The following SPAG9 variants were observed in gnomAD, a reference collection of about 807,000 sequenced individuals.
SPAG9 encodes the protein C-Jun-amino-terminal kinase-interacting protein 4.
In SPAG9, 35 loss-of-function variants were observed where a neutral mutation model predicts 166.5. That is an observed-to-expected ratio of 0.21 (90% confidence interval 0.16 to 0.28). The LOEUF (loss-of-function observed/expected upper bound fraction) is 0.28. SPAG9 is among the 10% of genes least tolerant of loss of function. The probability of loss-of-function intolerance (pLI) is 1.00; values close to 1 mark genes in which losing one functional copy is unlikely to be tolerated. For missense variants in SPAG9, 1,235 were observed against 1,603.3 expected (o/e 0.77, Z 3.92); for synonymous variants, 534 against 565.5 (o/e 0.94, Z 0.79).
Position 51,079,719 on chromosome 17 carries a change from C to T in SPAG9, c.304-15G>A, listed in dbSNP as rs1458476450. Reference sequence around the variant, plus strand: ...TCAATGAATTTCTAATAAAGAAGAACAATATAAATTTAATCAGAGAAATTA... The same window carrying T: ...TCAATGAATTTCTAATAAAGAAGAATAATATAAATTTAATCAGAGAAATTA... On this transcript the variant is annotated splice_polypyrimidine_tract_variant and intron_variant, in intron 1 of 29. Coordinates refer to ENST00000262013, the MANE Select transcript of SPAG9 (RefSeq NM_001130528.3). 6.8e-7 allele frequency: 1 copy of T among 1,478,922 alleles called. No individual in the cohort carries two copies. The highest frequency in any genetic ancestry group is 1.2e-5 in the South Asian group (1 of 83,058). The allele number at this position is 1,478,922 out of a possible 1,614,324, so 91.6% of individuals were successfully genotyped here.
At chr17:51,064,464 T>C (rs1438204646) in intron 2 of SPAG9, among the ~76,000 whole-genome samples, 1 of 152,164 alleles carries the variant, frequency 6.6e-6, no homozygotes, top group Non-Finnish European at 1.5e-5. Context: ...GCAGGATATA[T>C]AGGCAATTGA....
intron 1 of SPAG9, among the ~76,000 whole-genome samples, chr17:51,105,697 G>A (rs542022347): frequency 4.0e-5 from 6 of 151,710 alleles, no homozygotes; most frequent in Non-Finnish European, 8.8e-5. Flanking sequence ...GTGAAACCTC[G>A]TCTCTACTAA....
At chr17:50,975,872 C>G (rs1342825201) in intron 27 of SPAG9, 1 of 1,535,770 alleles carries the variant, frequency 6.5e-7, no homozygotes, top group East Asian at 2.4e-5. Flanking sequence ...CCCCTCAGCC[C>G]CAGTAAACGT....
At position 51,036,154 on chromosome 17, in the gene SPAG9, A is replaced by G. The variant is rs183323117; in HGVS notation, c.742-4432T>C. Among the ~76,000 whole-genome samples, 764 of 152,238 alleles carry G rather than the reference A, an allele frequency of 5.0e-3. 7 individuals are homozygous for G. The highest frequency in any genetic ancestry group is 7.1e-3 in the Non-Finnish European group (484 of 68,014). On this transcript the variant is annotated intron_variant, in intron 5 of 29. Coordinates refer to ENST00000262013, the MANE Select transcript of SPAG9 (RefSeq NM_001130528.3). ...TCTATTGAACCCTTCTTGTAAGCAT[A>G]GCAACAACCCAGTCTCTCCCATTCT...
intron 1 of SPAG9, among the ~76,000 whole-genome samples, chr17:51,105,878 G>A (rs11658077): frequency 0.31 from 46,182 of 151,114 alleles, 7,092 homozygotes; most frequent in Admixed American, 0.36. Context: ...AAAAAAAAGA[G>A]AAAAAGAAAA....
chr17:51,099,614 TACTA>T (rs2048744123), intron 1 of SPAG9, among the ~76,000 whole-genome samples: 1 of 151,786 alleles, frequency 6.6e-6, no homozygotes, highest in African/African-American at 2.4e-5. Context: ...AGTGATGCCT[TACTA>T]ACTTTGTTAC....
Position 51,098,966 on chromosome 17 carries a change from G to A in SPAG9, c.304-19262C>T, listed in dbSNP as rs561976771. Among the ~76,000 whole-genome samples, 31 of 152,116 alleles carry A rather than the reference G, an allele frequency of 2.0e-4. No homozygotes were observed. The East Asian group carries it at 4.5e-3, about 22-fold the overall frequency. The stretch of plus-strand genomic sequence containing the variant: ...AATACAAAAATTAGCCGAGTGTGGC[G>A]GCGCTTGCCTGTGGTCCCATCTACT... On this transcript the variant is annotated intron_variant, in intron 1 of 29. Transcript: ENST00000262013.
chr17:50,990,352 T>C, intron 20 of SPAG9, 98 bp downstream of exon 20: 1 of 953,606 alleles, frequency 1.0e-6, no homozygotes, highest in South Asian at 1.4e-5. Flanking sequence ...TCAAGTTCTT[T>C]CAACCTTGTT....
chr17:51,091,530 C>T (rs747802127), intron 1 of SPAG9, among the ~76,000 whole-genome samples: 1 of 151,930 alleles, frequency 6.6e-6, no homozygotes, highest in Admixed American at 6.6e-5. Context: ...TATAAAACCA[C>T]ATTAGCCCTG....
chr17:51,107,395 T>A (rs2048983395), intron 1 of SPAG9, among the ~76,000 whole-genome samples: 3 of 148,170 alleles, frequency 2.0e-5, no homozygotes, highest in Non-Finnish European at 3.0e-5. Flanking sequence ...CCAAAAAAAA[T>A]TAATTAATTT....
chr17:51,038,006 T>A (rs2046687262), intron 5 of SPAG9, among the ~76,000 whole-genome samples: 1 of 152,156 alleles, frequency 6.6e-6, no homozygotes, highest in Non-Finnish European at 1.5e-5. Flanking sequence ...TGCTTTCTTC[T>A]TGAACTGATC....
intron 24 of SPAG9, among the ~76,000 whole-genome samples, chr17:50,983,086 T>A (rs529456670): frequency 6.6e-6 from 1 of 152,236 alleles, no homozygotes; most frequent in South Asian, 2.1e-4. Context: ...GCTAACACTT[T>A]AGGAATTATG....
intron 8 of SPAG9, 57 bp from the exon 9 acceptor site, chr17:51,014,410 T>C: frequency 2.0e-6 from 3 of 1,534,130 alleles, no homozygotes; most frequent in Non-Finnish European, 2.7e-6. Context: ...TTTTTGACGC[T>C]GTAAAATGAA....
intron 3 of SPAG9, among the ~76,000 whole-genome samples, chr17:51,055,036 AT>A (rs1482955266): frequency 3.3e-5 from 5 of 152,226 alleles, no homozygotes; most frequent in African/African-American, 1.2e-4. Flanking sequence ...GTATTAAAAC[AT>A]TTTTTTAAAT....
At chr17:51,077,257 G>A (rs2048044045) in intron 2 of SPAG9, among the ~76,000 whole-genome samples, 1 of 151,714 alleles carries the variant, frequency 6.6e-6, no homozygotes, top group Non-Finnish European at 1.5e-5. Flanking sequence ...CCGAGGAGCT[G>A]AGATTACAGG....
intron 1 of SPAG9, among the ~76,000 whole-genome samples, chr17:51,112,543 C>T (rs369535341): frequency 1.9e-4 from 28 of 151,320 alleles, no homozygotes; most frequent in African/African-American, 2.4e-4. Context: ...TGATGGCGCG[C>T]GCCTGTAGTC....
At chr17:51,004,681 G>C (rs1403605007) in intron 12 of SPAG9, among the ~76,000 whole-genome samples, 2 of 152,084 alleles carry the variant, frequency 1.3e-5, no homozygotes. Flanking sequence ...AGTGAGCTGA[G>C]ATCGCAGAAC....
chr17:51,077,011 T>TATTTCTTTGAGACAGTTTC (rs2048000786), intron 2 of SPAG9, among the ~76,000 whole-genome samples: 1 of 106,694 alleles, frequency 9.4e-6, no homozygotes, highest in Non-Finnish European at 2.0e-5. Flanking sequence ...TCTAGCTAGC[T>TATTTCTTTGAGACAGTTTC]AGCTAGCTAT....
intron 1 of SPAG9, among the ~76,000 whole-genome samples, chr17:51,096,363 A>G (rs928986286): frequency 2.6e-5 from 4 of 151,898 alleles, no homozygotes; most frequent in South Asian, 4.2e-4. Context: ...AAAAACAAAA[A>G]AAAGAAAGAA....
Sources: gnomAD v4.1 joint callset for allele counts (sites outside exome capture counted in the v4.1 genomes callset) on GRCh38, gnomAD v4.1.1 for gene constraint, MANE v1.5 for transcripts, NCBI Gene and HGNC (gene_info 2026-07-23, HGNC 2026-07-21) for gene names.